CHSY3: variants seen among roughly 807,000 people sequenced by gnomAD.
The protein encoded by CHSY3 is chondroitin sulfate synthase 3.
CHSY3 carries 35 observed loss-of-function variants against 67.2 expected under a neutral mutation model. The ratio of observed to expected loss-of-function variants is 0.52; its 90% confidence interval spans 0.40 to 0.69. The LOEUF (loss-of-function observed/expected upper bound fraction) is 0.69. Among genes scored for constraint, CHSY3 ranks in the 30% least tolerant of loss-of-function variants. CHSY3 has a pLI of 0.00. For missense variants in CHSY3, 1,069 were observed against 1,138.5 expected, an observed-to-expected ratio of 0.94 and a Z score of 0.88; for synonymous variants, 474 against 434.7, an observed-to-expected ratio of 1.09 and a Z score of -1.12.
chr5:130,178,019 C>A (rs1770107353), intron 2 of CHSY3, among the ~76,000 whole-genome samples: 2 of 150,508 alleles, frequency 1.3e-5, no homozygotes, highest in Admixed American at 6.6e-5. Context: ...TTTAAAATTT[C>A]TGTTATATTT....
chr5:130,079,143 T>C (rs1766367881), intron 2 of CHSY3, among the ~76,000 whole-genome samples: 1 of 152,160 alleles, frequency 6.6e-6, no homozygotes, highest in Admixed American at 6.6e-5. Context: ...TTTTCTCTTG[T>C]ATGCCTCAGA....
intron 2 of CHSY3, chr5:130,001,566 G>A: frequency 1.1e-6 from 1 of 876,384 alleles, no homozygotes; most frequent in Non-Finnish European, 1.4e-6. Flanking sequence ...TCCTGTCCTT[G>A]CCTTTATTCC....
intron 2 of CHSY3, among the ~76,000 whole-genome samples, chr5:130,108,634 A>G (rs1767488474): frequency 6.6e-6 from 1 of 151,630 alleles, no homozygotes; most frequent in South Asian, 2.1e-4. Context: ...TAGTTATTGG[A>G]AGGTTTTATC....
At chr5:130,024,001 G>C (rs958710094) in intron 2 of CHSY3, among the ~76,000 whole-genome samples, 7 of 151,482 alleles carry the variant, frequency 4.6e-5, no homozygotes, top group African/African-American at 1.5e-4. Context: ...CTAGGTATTG[G>C]TAGCAACTCT....
intron 2 of CHSY3, among the ~76,000 whole-genome samples, chr5:130,136,208 T>A (rs78758666): frequency 0.045 from 6,893 of 152,200 alleles, 426 homozygotes; most frequent in East Asian, 0.27. Flanking sequence ...CGGGAAGATA[T>A]TAAGCCAGCT....
chr5:130,134,026 G>A (rs147251769), intron 2 of CHSY3, among the ~76,000 whole-genome samples: 150 of 152,080 alleles, frequency 9.9e-4, no homozygotes, highest in African/African-American at 3.5e-3. Flanking sequence ...TTGACTTAAC[G>A]TATTATTTAC....
At chr5:130,171,778 GAACT>G (rs780220341) in intron 2 of CHSY3, among the ~76,000 whole-genome samples, 2 of 152,066 alleles carry the variant, frequency 1.3e-5, no homozygotes, top group Non-Finnish European at 2.9e-5. Flanking sequence ...AACCAAGACT[GAACT>G]AACTAATTAA....
Position 129,905,005 on chromosome 5 carries a change from C to T in CHSY3, c.176C>T (p.Ala59Val), listed in dbSNP as rs1286654400. ...GRSAAGPRAG[A>V]QQPLPQPQSR... ...TCTGCTGCTGGCCCCCGCGCCGGCG[C>T]TCAGCAGCCGCTCCCCCAGCCCCAG... Residue 59 changes from alanine to valine, a missense_variant, in exon 1 of 3, where the codon GCT becomes GTT. Physicochemically the swap from Ala to Val is moderately conservative, Grantham distance 64 (BLOSUM62 0). This residue lies in a region of CHSY3 where 309 missense variants were observed against 262.5 expected (regional missense o/e 1.18). Transcript: ENST00000305031. 2.6e-6 allele frequency: 4 copies of T among 1,565,356 alleles called. No homozygotes were observed. Among genetic ancestry groups the T allele is most frequent in the Non-Finnish European group, 3.4e-6 (4 of 1,162,182 alleles).
At chr5:130,028,123 T>G in intron 2 of CHSY3, among the ~76,000 whole-genome samples, 1 of 152,104 alleles carries the variant, frequency 6.6e-6, no homozygotes, top group Non-Finnish European at 1.5e-5. Context: ...GCCATCCCCA[T>G]CAAGCTACCA....
intron 2 of CHSY3, among the ~76,000 whole-genome samples, chr5:129,996,118 G>T (rs989836723): frequency 6.6e-6 from 1 of 152,126 alleles, no homozygotes; most frequent in Non-Finnish European, 1.5e-5. Flanking sequence ...TCTTAAAAAT[G>T]GGGTAATAAT....
chr5:130,021,462 A>T (rs1216922341), intron 2 of CHSY3, among the ~76,000 whole-genome samples: 1 of 152,210 alleles, frequency 6.6e-6, no homozygotes, highest in African/African-American at 2.4e-5. Flanking sequence ...AGGAGAGAAT[A>T]AATAGAAAAT....
chr5:130,064,734 A>G (rs1765828098), intron 2 of CHSY3, among the ~76,000 whole-genome samples: 1 of 152,142 alleles, frequency 6.6e-6, no homozygotes, highest in Non-Finnish European at 1.5e-5. Flanking sequence ...CTTCCAAGTG[A>G]TTTGCAGGGT....
intron 2 of CHSY3, among the ~76,000 whole-genome samples, chr5:129,949,140 A>C (rs1330827487): frequency 2.0e-5 from 3 of 152,208 alleles, no homozygotes; most frequent in Admixed American, 6.5e-5. Context: ...CAAATTTATA[A>C]AACAATTAGT....
rs556728836 is a variant in CHSY3 at position 129,976,421 on chromosome 5, AC to A, written c.1086+68063del. ...GATTTGCCCCCCCATAACCAATCTC[AC>A]CTTGGTTTCATAGATAATATCCCAG... On this transcript the variant is annotated intron_variant, in intron 2 of 2. Transcript: ENST00000305031. 2.4e-4 allele frequency among the ~76,000 whole-genome samples: 37 copies of A among 152,236 alleles called. No homozygotes were observed. In the East Asian group the frequency reaches 6.0e-3, roughly 25 times the overall value.
At chr5:130,120,636 T>C (rs975068428) in intron 2 of CHSY3, among the ~76,000 whole-genome samples, 1 of 152,170 alleles carries the variant, frequency 6.6e-6, no homozygotes, top group African/African-American at 2.4e-5. Context: ...GGCAAGTTAT[T>C]TTACTAACTT....
At chr5:130,059,737 C>G (rs1262415641) in intron 2 of CHSY3, among the ~76,000 whole-genome samples, 1 of 152,160 alleles carries the variant, frequency 6.6e-6, no homozygotes, top group Non-Finnish European at 1.5e-5. Flanking sequence ...TTCTGTCTCA[C>G]TTGTACCACA....
intron 2 of CHSY3, among the ~76,000 whole-genome samples, chr5:129,957,261 C>T (rs1266514337): frequency 6.6e-6 from 1 of 151,978 alleles, no homozygotes; most frequent in African/African-American, 2.4e-5. Flanking sequence ...ATTTGGCTCT[C>T]AGCTTGATTT....
intron 2 of CHSY3, among the ~76,000 whole-genome samples, chr5:130,012,027 A>C (rs933807959): frequency 4.6e-5 from 7 of 152,206 alleles, no homozygotes; most frequent in Non-Finnish European, 8.8e-5. Context: ...CGTACTCCAC[A>C]CAGCAATTTA....
chr5:130,083,857 T>C (rs1225618828), intron 2 of CHSY3, among the ~76,000 whole-genome samples: 1 of 151,996 alleles, frequency 6.6e-6, no homozygotes, highest in Non-Finnish European at 1.5e-5. Flanking sequence ...CATTTTTTTT[T>C]TGGACTTTTA....
Sources: gnomAD v4.1 joint callset for allele counts (sites outside exome capture counted in the v4.1 genomes callset) on GRCh38, gnomAD v4.1.1 for gene constraint, gnomAD v4.1.1 regional missense constraint, MANE v1.5 for transcripts, NCBI Gene and HGNC (gene_info 2026-07-23, HGNC 2026-07-21) for gene names.